Variants in ILRUN observed in about 807,000 individuals in gnomAD.
The protein encoded by ILRUN is protein ILRUN.
In ILRUN, 3 loss-of-function variants were observed where a neutral mutation model predicts 33.8. That is an observed-to-expected ratio of 0.09 (90% CI 0.04 to 0.23). ILRUN has a LOEUF of 0.23. Among genes scored for constraint, ILRUN ranks in the 10% least tolerant of loss-of-function variants. The probability of loss-of-function intolerance (pLI) is 1.00; values close to 1 mark genes in which losing one functional copy is unlikely to be tolerated. For synonymous variants in ILRUN, 124 were observed against 138.9 expected (o/e 0.89, Z 0.75); for missense variants, 210 against 375.1 (o/e 0.56, Z 3.64).
At position 34,606,254 on chromosome 6, in the gene ILRUN, T is replaced by C. The variant is rs551218834; in HGVS notation, c.861+301A>G. 5.3e-5 allele frequency among the ~76,000 whole-genome samples: 8 copies of C among 152,158 alleles called. No individual in the cohort carries two copies. In the East Asian group the frequency reaches 9.6e-4, roughly 18 times the overall value. Reference sequence around the variant, plus strand: ...ATTTAGAATAAATAATTGAGCAACATTGTTTCTTTTTTTAAAATACTAAAG... The same window carrying C: ...ATTTAGAATAAATAATTGAGCAACACTGTTTCTTTTTTTAAAATACTAAAG... On this transcript the variant is annotated intron_variant, in intron 4 of 4. Transcript: ENST00000374023.
At chr6:34,685,010 C>T (rs184632615) in intron 1 of ILRUN, among the ~76,000 whole-genome samples, 1 of 152,292 alleles carries the variant, frequency 6.6e-6, no homozygotes, top group African/African-American at 2.4e-5. Flanking sequence ...ACTGATCTAG[C>T]AGTGGTATGT....
intron 3 of ILRUN, among the ~76,000 whole-genome samples, chr6:34,631,263 A>G (rs1308539385): frequency 6.6e-6 from 1 of 151,962 alleles, no homozygotes; most frequent in African/African-American, 2.4e-5. Flanking sequence ...ATTAGGTTTC[A>G]GTCTTTTGGT....
intron 3 of ILRUN, among the ~76,000 whole-genome samples, chr6:34,641,685 C>T (rs79003345): frequency 0.027 from 4,070 of 152,108 alleles, 182 homozygotes; most frequent in East Asian, 0.21. Context: ...ATTAAAATCC[C>T]TTGAAGGCAC....
In ILRUN at chr6:34,590,576, C is replaced by T. The variant is rs375408800; in HGVS notation, c.886G>A (p.Gly296Ser). 23 of 1,613,744 alleles carry T rather than the reference C, an allele frequency of 1.4e-5. No individual in the cohort carries two copies. Among genetic ancestry groups the T allele is most frequent in the East Asian group, 2.2e-5 (1 of 44,886 alleles). ...SKGLHGPYPFGQS is the reference protein window; with the variant it reads ...SKGLHGPYPFSQS ...TTGCTGACACCCGTTTAAGACTGGC[C>T]GAAGGGGTAAGGCCCATGGAGCCCC... The change falls in exon 5 of 5, where the codon GGC (glycine) becomes AGC (serine). Residue 296 changes from glycine (G) to serine (S), a missense_variant. Coordinates refer to ENST00000374023, the MANE Select transcript of ILRUN (RefSeq NM_024294.4).
Position 34,606,683 on chromosome 6 carries a change from G to C in ILRUN, c.733C>G (p.Pro245Ala). 2.5e-6 allele frequency: 4 copies of C among 1,613,624 alleles called. No individual in the cohort carries two copies. Among genetic ancestry groups the C allele is most frequent in the Non-Finnish European group, 3.4e-6 (4 of 1,179,534 alleles). Residue 245 changes from proline to alanine, a missense_variant, in exon 4 of 5, where the codon CCT becomes GCT. Physicochemically the swap from Pro to Ala is conservative, Grantham distance 27 (BLOSUM62 -1). Around this residue, in one of 4 missense-constraint regions of ILRUN, gnomAD observed 81 missense variants for 97.0 expected, o/e 0.84. Transcript: ENST00000374023. ...FDSISKNTWAPAPDTWAPAPD... is the reference protein window; with the variant it reads ...FDSISKNTWAAAPDTWAPAPD... The stretch of plus-strand genomic sequence containing the variant: ...GCAGGAGCCCATGTGTCAGGAGCAG[G>C]AGCCCATGTGTTTTTGCTGATCGAG...
At chr6:34,594,830 A>G (rs1164750792) in intron 4 of ILRUN, among the ~76,000 whole-genome samples, 2 of 152,242 alleles carry the variant, frequency 1.3e-5, no homozygotes, top group African/African-American at 2.4e-5. Context: ...CCACAATGCA[A>G]TAATAACTAC....
chr6:34,692,588 A>T (rs974879934), intron 1 of ILRUN, among the ~76,000 whole-genome samples: 1 of 152,138 alleles, frequency 6.6e-6, no homozygotes, highest in Non-Finnish European at 1.5e-5. Context: ...CATGCACATT[A>T]TGTGTATATG....
intron 1 of ILRUN, among the ~76,000 whole-genome samples, chr6:34,658,370 G>C (rs1311321802): frequency 6.6e-6 from 1 of 150,646 alleles, no homozygotes; most frequent in Non-Finnish European, 1.5e-5. Context: ...AAAGATGGAT[G>C]ATGGTAATAG....
chr6:34,610,457 AT>A (rs1761726035), intron 3 of ILRUN, among the ~76,000 whole-genome samples: 1 of 152,148 alleles, frequency 6.6e-6, no homozygotes, highest in African/African-American at 2.4e-5. Flanking sequence ...TCACTCTACT[AT>A]TTGTTTTTCC....
chr6:34,643,598 C>T lies in ILRUN; in HGVS notation c.511+3003G>A, dbSNP rs191946549. 7.2e-4 allele frequency among the ~76,000 whole-genome samples: 109 copies of T among 152,256 alleles called. 1 individual carries two copies. Among genetic ancestry groups the T allele is most frequent in the African/African-American group, 2.5e-3 (102 of 41,556 alleles). ...CATTTACATGGTTAAATTCTTAGGA[C>T]CCTCAGTTCTTTGGGGATGGACTAA... is the stretch of plus-strand genomic sequence containing the variant. On this transcript the variant is annotated intron_variant, in intron 3 of 4. Coordinates refer to ENST00000374023, the MANE Select transcript of ILRUN (RefSeq NM_024294.4).
intron 2 of ILRUN, among the ~76,000 whole-genome samples, chr6:34,652,406 G>C (rs1762689102): frequency 6.6e-6 from 1 of 152,184 alleles, no homozygotes. Flanking sequence ...GGTGTCCTGA[G>C]TCATCCACAA....
chr6:34,602,862 G>A (rs1761540503), intron 4 of ILRUN, among the ~76,000 whole-genome samples: 1 of 152,174 alleles, frequency 6.6e-6, no homozygotes, highest in African/African-American at 2.4e-5. Flanking sequence ...CCCAGGGACG[G>A]AGCACTGAGT....
intron 3 of ILRUN, among the ~76,000 whole-genome samples, chr6:34,640,288 CTG>C (rs1491326527): frequency 6.6e-6 from 1 of 151,894 alleles, no homozygotes; most frequent in South Asian, 2.1e-4. Context: ...CTGAGAAACT[CTG>C]AGAGAGCACA....
intron 4 of ILRUN, among the ~76,000 whole-genome samples, chr6:34,591,987 T>C (rs572960408): frequency 6.6e-6 from 1 of 152,256 alleles, no homozygotes; most frequent in South Asian, 2.1e-4. Context: ...TTGCTTCCCC[T>C]TATAAGAAAG....
chr6:34,683,489 T>TATATATAC (rs1763442367), intron 1 of ILRUN, among the ~76,000 whole-genome samples: 5 of 91,208 alleles, frequency 5.5e-5, no homozygotes, highest in South Asian at 6.0e-4. Flanking sequence ...TATATATACA[T>TATATATAC]ATATATATAC....
At chr6:34,664,064 G>A (rs1429264813) in intron 1 of ILRUN, among the ~76,000 whole-genome samples, 1 of 152,146 alleles carries the variant, frequency 6.6e-6, no homozygotes, top group Non-Finnish European at 1.5e-5. Context: ...GCAGGAAAAG[G>A]CAAGAAAAGA....
At position 34,662,551 on chromosome 6, in the gene ILRUN, T is replaced by C. The variant is rs540932481; in HGVS notation, c.159-7772A>G. ...ATGATTTATACATGTAATGGGATAT[T>C]ATTTAGCCTTAAAAAGGAAGAAAAT... On this transcript the variant is annotated intron_variant, in intron 1 of 4. Transcript: ENST00000374023. Among the ~76,000 whole-genome samples, 4 of 152,334 alleles carry C rather than the reference T, an allele frequency of 2.6e-5. No individual in the cohort carries two copies. The East Asian group carries it at 7.7e-4, about 29-fold the overall frequency.
rs149479547 is a variant in ILRUN at position 34,591,911 on chromosome 6, G to C, written c.862-1311C>G. ...CTAGCTCTCCCTTGCCACATGATAA[G>C]GTTTATTCCAACTTGCCAAAGGCAC... On this transcript the variant is annotated intron_variant, in intron 4 of 4. Transcript: ENST00000374023. 1.9e-3 allele frequency among the ~76,000 whole-genome samples: 289 copies of C among 152,262 alleles called. 1 individual carries two copies. Among genetic ancestry groups the C allele is most frequent in the African/African-American group, 6.6e-3 (276 of 41,556 alleles).
chr6:34,667,185 T>A (rs577699311), intron 1 of ILRUN, among the ~76,000 whole-genome samples: 1 of 152,320 alleles, frequency 6.6e-6, no homozygotes, highest in South Asian at 2.1e-4. Flanking sequence ...CATCCCCAAA[T>A]AATGTAAACA....
Sources: gnomAD v4.1 joint callset for allele counts (sites outside exome capture counted in the v4.1 genomes callset) on GRCh38, gnomAD v4.1.1 for gene constraint, gnomAD v4.1.1 regional missense constraint, MANE v1.5 for transcripts, NCBI Gene and HGNC (gene_info 2026-07-23, HGNC 2026-07-21) for gene names.